ERG: variants seen among roughly 807,000 people sequenced by gnomAD.
ERG encodes the protein ETS transcription factor ERG, also known as transcriptional regulator ERG.
ERG carries 9 observed loss-of-function variants against 55.3 expected under a neutral mutation model. The observed-to-expected ratio is 0.16, with a 90% CI of 0.10 to 0.28. The LOEUF (loss-of-function observed/expected upper bound fraction) is 0.28. ERG is among the 10% of genes least tolerant of loss of function. ERG has a pLI of 1.00. For synonymous variants in ERG, 223 were observed against 237.3 expected (o/e 0.94, Z 0.55); for missense variants, 434 against 631.6 (o/e 0.69, Z 3.35).
chr21:38,390,839 C>T (rs974898096), intron 9 of ERG, among the ~76,000 whole-genome samples, 156 bp downstream of exon 9: 3 of 152,212 alleles, frequency 2.0e-5, no homozygotes, highest in Admixed American at 6.5e-5. Context: ...TAATTTATAA[C>T]CCAACCCATC....
intron 1 of ERG, among the ~76,000 whole-genome samples, chr21:38,600,927 C>T (rs1192535137): frequency 6.6e-6 from 1 of 152,170 alleles, no homozygotes; most frequent in Non-Finnish European, 1.5e-5. Flanking sequence ...CCTATCCATG[C>T]ATCTAACCCC....
At chr21:38,504,946 C>T (rs900696189) in intron 2 of ERG, among the ~76,000 whole-genome samples, 1 of 152,154 alleles carries the variant, frequency 6.6e-6, no homozygotes, top group Admixed American at 6.5e-5. Context: ...ATACAGATTA[C>T]TTCTTAAAGA....
chr21:38,466,754 C>T (rs1378987170), intron 1 of ERG, among the ~76,000 whole-genome samples: 1 of 152,154 alleles, frequency 6.6e-6, no homozygotes, highest in Non-Finnish European at 1.5e-5. Flanking sequence ...GTTGGAACTA[C>T]AGTTTCTTCC....
intron 2 of ERG, among the ~76,000 whole-genome samples, chr21:38,543,355 GT>G (rs60845917): frequency 4.9e-5 from 3 of 61,534 alleles, no homozygotes; most frequent in East Asian, 5.2e-4. Context: ...GTATATGTGT[GT>G]TTTTTTTTAA....
intron 1 of ERG, among the ~76,000 whole-genome samples, chr21:38,649,523 G>A (rs186364097): frequency 3.2e-4 from 48 of 152,306 alleles, no homozygotes; most frequent in African/African-American, 1.0e-3. Flanking sequence ...TGCCTCGCAC[G>A]TTCTCATATT....
In ERG at chr21:38,404,013, TA is replaced by T. The variant is rs1340047026; in HGVS notation, c.389-305del. Reference sequence around the variant, plus strand: ...ATTTTAAAAATTCTTTTTTCTCATTTATGTTCAATTTTATTTATTTATTTTA... The same window carrying T: ...ATTTTAAAAATTCTTTTTTCTCATTTTGTTCAATTTTATTTATTTATTTTA... On this transcript the variant is annotated intron_variant, in intron 3 of 9. Coordinates refer to ENST00000288319, the MANE Select transcript of ERG (RefSeq NM_182918.4). Among the ~76,000 whole-genome samples the T allele has an allele frequency of 5.3e-5, 8 of 152,238 alleles. No homozygotes were observed. In the East Asian group the frequency reaches 1.5e-3, roughly 29 times the overall value.
At chr21:38,494,025 C>T (rs1351921621) in intron 1 of ERG, among the ~76,000 whole-genome samples, 3 of 152,142 alleles carry the variant, frequency 2.0e-5, no homozygotes, top group African/African-American at 4.8e-5. Context: ...AGGATGGGTG[C>T]GAGACAGGGT....
chr21:38,574,521 T>C lies in ERG; in HGVS notation c.-41+1141A>G, dbSNP rs149204764. The stretch of plus-strand genomic sequence containing the variant: ...GGAATGCATTGAAACTCTTATTACT[T>C]CCAATTCCATTTTCAAAAAAAGTAA... On this transcript the variant is annotated intron_variant, in intron 2 of 8. Coordinates refer to the ERG transcript ENST00000398897. Among the ~76,000 whole-genome samples, 217 of 152,298 alleles carry C rather than the reference T, an allele frequency of 1.4e-3. 1 individual carries two copies. The highest frequency in any genetic ancestry group is 5.0e-3 in the African/African-American group (207 of 41,558).
chr21:38,383,883 G>C lies in ERG; in HGVS notation c.960C>G (p.Leu320=). The change falls in exon 10 of 10, where the codon CTC becomes CTG. Residue 320 remains leucine, a synonymous_variant. Transcript: ENST00000288319. This position sits in a 1 kb window ranked among gnomAD's most constrained non-coding sequence, Gnocchi z 5.7. ...QIQLWQFLLE[L]LSDSSNSSCI... ...AGCTGGAGTTGGAGCTGTCCGACAG[G>C]AGCTCCAGGAGGAACTGCCAAAGCT... The C allele has an allele frequency of 3.1e-6, 5 of 1,613,894 alleles. No individual in the cohort carries two copies. The highest frequency in any genetic ancestry group is 4.2e-6 in the Non-Finnish European group (5 of 1,179,958).
chr21:38,530,973 C>T (rs538929149), intron 2 of ERG, among the ~76,000 whole-genome samples: 1 of 152,306 alleles, frequency 6.6e-6, no homozygotes, highest in Admixed American at 6.5e-5. Context: ...AACCTTCATA[C>T]TCGGAGAAGA....
chr21:38,655,371 A>T (rs1211617014), intron 1 of ERG, among the ~76,000 whole-genome samples: 1 of 152,074 alleles, frequency 6.6e-6, no homozygotes, highest in Non-Finnish European at 1.5e-5. Flanking sequence ...GTGTTTCTGA[A>T]ATTCCTGCTT....
chr21:38,470,274 A>G (rs1439616623), intron 1 of ERG, among the ~76,000 whole-genome samples: 1 of 151,988 alleles, frequency 6.6e-6, no homozygotes, highest in African/African-American at 2.4e-5. Flanking sequence ...TATTATTATT[A>G]TTATTATTGT....
At chr21:38,441,048 C>T (rs1484138283) in intron 2 of ERG, among the ~76,000 whole-genome samples, 1 of 152,170 alleles carries the variant, frequency 6.6e-6, no homozygotes, top group Non-Finnish European at 1.5e-5. Context: ...CCCTAGTGAA[C>T]CTCTGACCTG....
At chr21:38,590,139 T>G (rs1271654402) in intron 1 of ERG, among the ~76,000 whole-genome samples, 1 of 152,184 alleles carries the variant, frequency 6.6e-6, no homozygotes, top group African/African-American at 2.4e-5. Context: ...TCTATCCACA[T>G]GTTGAGTGTC....
At chr21:38,564,635 C>A (rs1473375672) in intron 2 of ERG, among the ~76,000 whole-genome samples, 1 of 151,848 alleles carries the variant, frequency 6.6e-6, no homozygotes, top group Non-Finnish European at 1.5e-5. Flanking sequence ...TCCACCCATG[C>A]AAATCACTCA....
At chr21:38,458,413 G>C (rs1238356587) in intron 1 of ERG, among the ~76,000 whole-genome samples, 1 of 134,232 alleles carries the variant, frequency 7.4e-6, no homozygotes, top group Admixed American at 8.1e-5. Flanking sequence ...GACAGAGTGA[G>C]ACTCTGGCTC....
At chr21:38,596,786 A>T (rs368932641) in intron 1 of ERG, among the ~76,000 whole-genome samples, 290 of 152,326 alleles carry the variant, frequency 1.9e-3, no homozygotes, top group Non-Finnish European at 3.2e-3. Context: ...ACTGAAGAAC[A>T]TGGTTGGTTT....
intron 2 of ERG, among the ~76,000 whole-genome samples, chr21:38,443,289 T>G (rs2836400): frequency 6.6e-6 from 1 of 152,024 alleles, no homozygotes; most frequent in Non-Finnish European, 1.5e-5. Flanking sequence ...CTGTTGTCCA[T>G]CGGAAATCAT....
At chr21:38,607,415 G>A (rs944643227) in intron 1 of ERG, among the ~76,000 whole-genome samples, 2 of 152,226 alleles carry the variant, frequency 1.3e-5, no homozygotes, top group East Asian at 1.9e-4. Context: ...GTCGGATCAT[G>A]AGGTCAGAAG....
Sources: allele counts gnomAD v4.1 joint callset (sites outside exome capture counted in the v4.1 genomes callset), GRCh38; gene constraint gnomAD v4.1.1; non-coding constraint Gnocchi (gnomAD v3.1); transcripts MANE v1.5; gene names NCBI Gene and HGNC (gene_info 2026-07-23, HGNC 2026-07-21).